The following PRSS12 variants were observed in gnomAD, a reference collection of about 807,000 sequenced individuals.
PRSS12 encodes serine protease 12.
A neutral mutation model predicts 104.4 loss-of-function variants in PRSS12; 85 were observed. The observed-to-expected ratio is 0.81, with a 90% CI of 0.68 to 0.98. The LOEUF is 0.98. PRSS12 is among the 50% of genes least tolerant of loss of function. The probability of loss-of-function intolerance (pLI) is 0.00; values close to 1 mark genes in which losing one functional copy is unlikely to be tolerated. For missense variants in PRSS12, 1,141 were observed against 1,139.2 expected, an observed-to-expected ratio of 1.00 and a Z score of -0.02; for synonymous variants, 454 against 425.2, an observed-to-expected ratio of 1.07 and a Z score of -0.83.
chr4:118,346,874 C>T (rs1176706642), intron 1 of PRSS12, among the ~76,000 whole-genome samples: 1 of 152,156 alleles, frequency 6.6e-6, no homozygotes, highest in Admixed American at 6.5e-5. Context: ...CCCAGGTCCA[C>T]GGAAAAACTG....
rs569223246 is a variant in PRSS12, at chr4:118,297,094, A to G, written c.1838-1238T>C. On this transcript the variant is annotated intron_variant, in intron 9 of 12. Coordinates refer to ENST00000296498, the MANE Select transcript of PRSS12 (RefSeq NM_003619.4). ...AAAAATGAAGTTCATTTATAAAAGA[A>G]ACCCATCAGATGACCAATAACCAAT... is the stretch of plus-strand genomic sequence containing the variant. 2.2e-4 allele frequency among the ~76,000 whole-genome samples: 34 copies of G among 152,344 alleles called. 1 individual carries two copies. The highest frequency in any genetic ancestry group is 7.2e-4 in the African/African-American group (30 of 41,580).
At chr4:118,335,730 AT>A in intron 2 of PRSS12, 79 bp from the exon 3 acceptor site, 2 of 1,312,312 alleles carry the variant, frequency 1.5e-6, no homozygotes, top group East Asian at 2.3e-5. Flanking sequence ...TTGAAAAAAA[AT>A]GGAAGAAATC....
intron 4 of PRSS12, among the ~76,000 whole-genome samples, chr4:118,319,174 C>T (rs1723538654): frequency 6.6e-6 from 1 of 152,110 alleles, no homozygotes; most frequent in Non-Finnish European, 1.5e-5. Flanking sequence ...ATCCTCTCAC[C>T]ACAGACTTTT....
At chr4:118,319,088 C>T (rs962540127) in intron 4 of PRSS12, among the ~76,000 whole-genome samples, 2 of 152,088 alleles carry the variant, frequency 1.3e-5, no homozygotes, top group African/African-American at 4.8e-5. Context: ...GAGTCATAGT[C>T]TCACTCTGTC....
Position 118,352,882 on chromosome 4 carries a change from CG to C in PRSS12, c.-163del. The C allele has an allele frequency of 7.1e-7, 1 of 1,415,178 alleles. No individual in the cohort carries two copies. Among genetic ancestry groups the C allele is most frequent in the South Asian group, 1.5e-5 (1 of 66,230 alleles). 87.7% of individuals were successfully genotyped at this position (1,415,178 alleles called of 1,614,324 possible). A position where few individuals can be genotyped will look rare whatever the true frequency, so the allele number is the denominator to read the frequency against. ...TCGCCTCCCCAACCTTGCCTCCCGC[CG>C]CTGGTGCCCTGCCGCGCCTCGGCTC... On this transcript the variant is annotated 5_prime_UTR_variant, in exon 1 of 13. Transcript: ENST00000296498.
chr4:118,331,799 G>A lies in PRSS12; in HGVS notation c.888C>T (p.Tyr296=). Residue 296 remains tyrosine, a synonymous_variant, in exon 4 of 13, where the codon TAC becomes TAT. Transcript: ENST00000296498. ...AAACGGTTCCCCACTGGCCAGCATGGTAGAGCTCCACCCGGCCTTCATGCA... is the reference window on the plus strand; with the variant it reads ...AAACGGTTCCCCACTGGCCAGCATGATAGAGCTCCACCCGGCCTTCATGCA... The part of the protein sequence containing the change: ...SSVHEGRVEL[Y]HAGQWGTVCD... 6.2e-7 allele frequency: 1 copy of A among 1,614,172 alleles called. No individual in the cohort carries two copies. Among genetic ancestry groups the A allele is most frequent in the Non-Finnish European group, 8.5e-7 (1 of 1,180,026 alleles).
At chr4:118,350,426 T>C (rs1724466111) in intron 1 of PRSS12, among the ~76,000 whole-genome samples, 1 of 152,232 alleles carries the variant, frequency 6.6e-6, no homozygotes, top group Non-Finnish European at 1.5e-5. Flanking sequence ...ACTGGAGAAG[T>C]AAATGATAGA....
rs1233861129 is a variant in PRSS12 at position 118,281,158 on chromosome 4, G to C, written c.*778C>G. ...GAACGTGGACTATGATGAGGTGCTTGTTAAAAGCAAATATAGTAGATATGT... is the reference window on the plus strand; with the variant it reads ...GAACGTGGACTATGATGAGGTGCTTCTTAAAAGCAAATATAGTAGATATGT... On this transcript the variant is annotated 3_prime_UTR_variant, in exon 13 of 13. Coordinates refer to ENST00000296498, the MANE Select transcript of PRSS12 (RefSeq NM_003619.4). The C allele has an allele frequency of 6.6e-6, 1 of 152,240 alleles. No individual in the cohort carries two copies. The highest frequency in any genetic ancestry group is 1.9e-4 in the East Asian group (1 of 5,196). 9.4% of individuals were successfully genotyped at this position (152,240 alleles called of 1,614,324 possible). A position where few individuals can be genotyped will look rare whatever the true frequency, so the allele number is the denominator to read the frequency against.
intron 2 of PRSS12, among the ~76,000 whole-genome samples, 193 bp from the exon 3 acceptor site, chr4:118,335,844 C>T (rs1273535680): frequency 6.6e-6 from 1 of 152,148 alleles, no homozygotes; most frequent in East Asian, 1.9e-4. Context: ...CGTGGTTTGC[C>T]TACTTATGGA....
intron 3 of PRSS12, among the ~76,000 whole-genome samples, chr4:118,333,474 A>G (rs1259171659): frequency 6.6e-6 from 1 of 152,208 alleles, no homozygotes; most frequent in East Asian, 1.9e-4. Context: ...TATACTGTTT[A>G]CTTGCATAAG....
intron 7 of PRSS12, 99 bp from the exon 8 acceptor site, chr4:118,308,676 T>A: frequency 6.7e-7 from 1 of 1,488,248 alleles, no homozygotes; most frequent in South Asian, 1.1e-5. Context: ...TTTAATCAGC[T>A]ATAAAATCAG....
intron 11 of PRSS12, among the ~76,000 whole-genome samples, chr4:118,293,570 A>T (rs1361501782): frequency 6.6e-6 from 1 of 152,214 alleles, no homozygotes. Flanking sequence ...ATATCCAAAA[A>T]TTTAAAAAAT....
In PRSS12 at chr4:118,331,766, GT is replaced by G; in HGVS notation, c.920del (p.Asp307AlafsTer10). 1 of 1,614,154 alleles carries G rather than the reference GT, an allele frequency of 6.2e-7. No homozygotes were observed. Among genetic ancestry groups the G allele is most frequent in the East Asian group, 2.2e-5 (1 of 44,872 alleles). On this transcript the variant is annotated frameshift_variant, in exon 4 of 13. Coordinates refer to ENST00000296498, the MANE Select transcript of PRSS12 (RefSeq NM_003619.4). LOFTEE classifies it high-confidence loss of function. Reference protein sequence around the residue: ...HAGQWGTVCDDQWDDADAEVI... With the variant: ...HAGQWGTVCDXQWDDADAEVI... ...CTTCTGCATCGGCATCATCCCATTGGTCATCACAAACGGTTCCCCACTGGCC... is the reference window on the plus strand; with the variant it reads ...CTTCTGCATCGGCATCATCCCATTGGCATCACAAACGGTTCCCCACTGGCC...
Position 118,352,538 on chromosome 4 carries a change from A to G in PRSS12, c.183T>C (p.Pro61=), listed in dbSNP as rs1263888520. ...QRPPRTRPPP[P]LPRFPRPPRA... ...GCGGGGGGCGCGGGAAGCGCGGGAG[A>G]GGCGGCGGCGGACGCGTCCTCGGGG... Residue 61 remains proline (P), a synonymous_variant, in exon 1 of 13, where the codon CCT becomes CCC. Coordinates refer to ENST00000296498, the MANE Select transcript of PRSS12 (RefSeq NM_003619.4). 1.3e-6 allele frequency: 2 copies of G among 1,497,078 alleles called. No homozygotes were observed. Among genetic ancestry groups the G allele is most frequent in the Non-Finnish European group, 1.8e-6 (2 of 1,119,160 alleles). The allele number at this position is 1,497,078 out of a possible 1,614,324, so 92.7% of individuals were successfully genotyped here. A position where few individuals can be genotyped will look rare whatever the true frequency, so the allele number is the denominator to read the frequency against.
At chr4:118,301,315 T>TA (rs748147159) in intron 8 of PRSS12, among the ~76,000 whole-genome samples, 4 of 152,306 alleles carry the variant, frequency 2.6e-5, no homozygotes, top group Non-Finnish European at 5.9e-5. Context: ...TGAAAACACT[T>TA]AAAGTATAGC....
At position 118,298,882 on chromosome 4, in the gene PRSS12, T is replaced by G. The variant is rs750446857; in HGVS notation, c.1688A>C (p.His563Pro). Residue 563 changes from histidine to proline, a missense_variant, in exon 9 of 13, where the codon CAT becomes CCT. Coordinates refer to ENST00000296498, the MANE Select transcript of PRSS12 (RefSeq NM_003619.4). Reference protein sequence around the residue: ...AYFGEGKGPIHVDNVKCTGNE... With the variant: ...AYFGEGKGPIPVDNVKCTGNE... ...TCCTGTGCACTTCACATTATCCACA[T>G]GGATGGGTCCTTTTCCTTCTCCAAA... The G allele has an allele frequency of 1.1e-5, 17 of 1,614,064 alleles. No individual in the cohort carries two copies. Among genetic ancestry groups the G allele is most frequent in the Middle Eastern group, 3.3e-4 (2 of 6,084 alleles).
At chr4:118,300,550 A>G (rs1284195403) in intron 8 of PRSS12, among the ~76,000 whole-genome samples, 1 of 152,228 alleles carries the variant, frequency 6.6e-6, no homozygotes, top group African/African-American at 2.4e-5. Flanking sequence ...AATAGTTATC[A>G]GAAGCAAAAG....
In PRSS12 at chr4:118,318,455, T is replaced by A; in HGVS notation, c.1073A>T (p.Gln358Leu). The A allele has an allele frequency of 6.2e-7, 1 of 1,614,180 alleles. No individual in the cohort carries two copies. The highest frequency in any genetic ancestry group is 8.5e-7 in the Non-Finnish European group (1 of 1,180,006). ...RCTGNELSIE[Q>L]CPKSSWGEHN... ...CTCTCCCCAGGAGCTCTTTGGACACTGCTCAATTGAAAGCTCATTCCCAGT... is the reference window on the plus strand; with the variant it reads ...CTCTCCCCAGGAGCTCTTTGGACACAGCTCAATTGAAAGCTCATTCCCAGT... The change falls in exon 5 of 13, where the codon CAG becomes CTG. Residue 358 changes from glutamine to leucine, a missense_variant. Transcript: ENST00000296498.
intron 1 of PRSS12, among the ~76,000 whole-genome samples, chr4:118,348,164 G>A (rs1386222643): frequency 2.0e-5 from 3 of 152,164 alleles, no homozygotes; most frequent in Non-Finnish European, 4.4e-5. Context: ...GAGAGGCAGA[G>A]GTTGCAGTGA....
Sources: gnomAD v4.1 joint callset for allele counts (sites outside exome capture counted in the v4.1 genomes callset) on GRCh38, gnomAD v4.1.1 for gene constraint, MANE v1.5 for transcripts, NCBI Gene and HGNC (gene_info 2026-07-23, HGNC 2026-07-21) for gene names.